The following APBB2 variants were observed in gnomAD, a reference collection of about 807,000 sequenced individuals.
The protein encoded by APBB2 is Fe65-like 1.
In APBB2, 38 loss-of-function variants were observed where a neutral mutation model predicts 82.5. The observed-to-expected ratio is 0.46, with a 90% CI of 0.36 to 0.60. APBB2 has a LOEUF of 0.60. APBB2 is among the 20% of genes least tolerant of loss of function. APBB2 has a pLI of 0.00. For synonymous variants in APBB2, 341 were observed against 368.2 expected, an observed-to-expected ratio of 0.93 and a Z score of 0.85; for missense variants, 772 against 972.3, an observed-to-expected ratio of 0.79 and a Z score of 2.74.
chr4:40,856,130 C>G (rs908749841), intron 12 of APBB2, among the ~76,000 whole-genome samples: 1 of 152,132 alleles, frequency 6.6e-6, no homozygotes, highest in African/African-American at 2.4e-5. Flanking sequence ...AGGCAGAACC[C>G]CCATTCATGA....
chr4:41,206,944 T>A (rs546536387), intron 1 of APBB2, among the ~76,000 whole-genome samples: 5 of 152,188 alleles, frequency 3.3e-5, no homozygotes, highest in Admixed American at 3.3e-4. Flanking sequence ...ATACCTGTAA[T>A]CCCAGCACTT....
chr4:41,043,119 T>C (rs1319275356), intron 4 of APBB2, among the ~76,000 whole-genome samples: 2 of 152,224 alleles, frequency 1.3e-5, no homozygotes, highest in Non-Finnish European at 1.5e-5. Context: ...TGCTAACTGT[T>C]CATTCACAGC....
intron 2 of APBB2, among the ~76,000 whole-genome samples, chr4:41,132,076 A>T (rs1179525256): frequency 6.7e-6 from 1 of 149,942 alleles, no homozygotes; most frequent in Non-Finnish European, 1.5e-5. Flanking sequence ...AAAAAGTAAA[A>T]ATAAAACTTC....
chr4:41,196,280 T>C, intron 1 of APBB2, among the ~76,000 whole-genome samples: 1 of 152,256 alleles, frequency 6.6e-6, no homozygotes, highest in South Asian at 2.1e-4. Flanking sequence ...GGTTAGTTAC[T>C]GTCTATAGTC....
intron 1 of APBB2, among the ~76,000 whole-genome samples, chr4:41,164,208 TTGGTTTG>T (rs1297913485): frequency 2.0e-5 from 3 of 152,230 alleles, no homozygotes; most frequent in African/African-American, 7.2e-5. Context: ...AGTTTTGACT[TTGGTTTG>T]ACCACAACCC....
Position 40,934,465 on chromosome 4 carries a change from T to C in APBB2, c.1245A>G (p.Pro415=), listed in dbSNP as rs773605778. 2 of 1,614,192 alleles carry C rather than the reference T, an allele frequency of 1.2e-6. No homozygotes were observed. The highest frequency in any genetic ancestry group is 1.7e-6 in the Non-Finnish European group (2 of 1,179,992). The change falls in exon 10 of 18, where the codon CCA becomes CCG. Residue 415 remains proline (P), a synonymous_variant. Transcript: ENST00000508593. ...DDDSCSINSD[P]EAKCFAVRSL... ...GCAAGTCTTTACAAACCTTGGCTTC[T>C]GGGTCACTGTTGATACTACAAGAAT...
At chr4:40,860,191 C>CT (rs1320780840) in intron 12 of APBB2, among the ~76,000 whole-genome samples, 1 of 152,176 alleles carries the variant, frequency 6.6e-6, no homozygotes, top group Non-Finnish European at 1.5e-5. Flanking sequence ...GAGGTAAACT[C>CT]TAACACCTTG....
chr4:40,854,970 C>T (rs188166201), intron 12 of APBB2, among the ~76,000 whole-genome samples: 7 of 152,282 alleles, frequency 4.6e-5, no homozygotes, highest in Admixed American at 3.3e-4. Context: ...CTCAGCTCTG[C>T]CCCTCCTTGC....
At chr4:41,204,754 G>T (rs982306790) in intron 1 of APBB2, among the ~76,000 whole-genome samples, 2 of 152,236 alleles carry the variant, frequency 1.3e-5, no homozygotes, top group African/African-American at 4.8e-5. Flanking sequence ...CAAACTGAGT[G>T]AACAGAGCTG....
Position 40,811,964 on chromosome 4 carries a change from AAAGG to A in APBB2, c.*4124_*4127del, listed in dbSNP as rs1444820238. ...CTTTATTCTTTGATGTCAGGTTCTTAAAGGAAGTGATAAACTTCTTCGTGCTAAA... is the reference window on the plus strand; with the variant it reads ...CTTTATTCTTTGATGTCAGGTTCTTAAAGTGATAAACTTCTTCGTGCTAAA... On this transcript the variant is annotated 3_prime_UTR_variant, in exon 18 of 18. Coordinates refer to ENST00000508593, the MANE Select transcript of APBB2 (RefSeq NM_004307.2). 6.6e-6 allele frequency: 1 copy of A among 152,216 alleles called. No individual in the cohort carries two copies. Among genetic ancestry groups the A allele is most frequent in the Non-Finnish European group, 1.5e-5 (1 of 68,040 alleles). The allele number at this position is 152,216 out of a possible 1,614,324, so 9.4% of individuals were successfully genotyped here.
chr4:41,126,941 AAT>A (rs1754580511), intron 2 of APBB2, among the ~76,000 whole-genome samples: 1 of 152,130 alleles, frequency 6.6e-6, no homozygotes, highest in African/African-American at 2.4e-5. Context: ...TTTGTCTCCA[AAT>A]ACACTCACAT....
At chr4:41,165,872 C>CTTT (rs148637668) in intron 1 of APBB2, among the ~76,000 whole-genome samples, 12 of 116,486 alleles carry the variant, frequency 1.0e-4, no homozygotes, top group Admixed American at 1.6e-4. Flanking sequence ...GTCAGGCCCC[C>CTTT]TTTTTTTTTT....
intron 3 of APBB2, among the ~76,000 whole-genome samples, chr4:41,086,552 A>G (rs1254576034): frequency 6.6e-6 from 1 of 152,216 alleles, no homozygotes; most frequent in African/African-American, 2.4e-5. Flanking sequence ...TAACAGAACA[A>G]AGAGGAAAAA....
At chr4:41,166,615 C>T (rs899699700) in intron 1 of APBB2, among the ~76,000 whole-genome samples, 10 of 148,798 alleles carry the variant, frequency 6.7e-5, no homozygotes, top group African/African-American at 1.5e-4. Flanking sequence ...AAGCCGGGTG[C>T]GGTGGCTCAG....
At chr4:41,020,262 C>G (rs963221324) in intron 5 of APBB2, among the ~76,000 whole-genome samples, 13 of 152,312 alleles carry the variant, frequency 8.5e-5, no homozygotes, top group Middle Eastern at 3.4e-3. Flanking sequence ...AATCCTTAAC[C>G]CTGCAGGTTT....
chr4:40,921,315 T>C (rs1008092777), intron 10 of APBB2, among the ~76,000 whole-genome samples: 6 of 152,190 alleles, frequency 3.9e-5, no homozygotes, highest in East Asian at 1.9e-4. Context: ...ACCCACATAA[T>C]ATATGTGTGA....
intron 6 of APBB2, among the ~76,000 whole-genome samples, chr4:40,996,853 C>T (rs1331388361): frequency 6.6e-6 from 1 of 152,050 alleles, no homozygotes; most frequent in Non-Finnish European, 1.5e-5. Flanking sequence ...TGAAACTGAC[C>T]CAATTGTCCC....
chr4:41,187,468 G>T (rs74450047), intron 1 of APBB2, among the ~76,000 whole-genome samples: 6,375 of 152,220 alleles, frequency 0.042, 150 homozygotes, highest in Middle Eastern at 0.058. Flanking sequence ...ACAGATAGGA[G>T]ATAAATGAAT....
intron 3 of APBB2, among the ~76,000 whole-genome samples, chr4:41,076,298 G>A (rs80193338): frequency 0.015 from 2,213 of 152,218 alleles, 34 homozygotes; most frequent in South Asian, 0.065. Flanking sequence ...CTGAAAACTG[G>A]GGGATGGCTT....
Sources: allele counts gnomAD v4.1 joint callset (sites outside exome capture counted in the v4.1 genomes callset), GRCh38; gene constraint gnomAD v4.1.1; transcripts MANE v1.5; gene names NCBI Gene and HGNC (gene_info 2026-07-23, HGNC 2026-07-21).